The following SGCZ variants were observed in gnomAD, a reference collection of about 807,000 sequenced individuals.
The protein encoded by SGCZ is sarcoglycan zeta, also known as zeta-sarcoglycan.
In SGCZ, 40 loss-of-function variants were observed where a neutral mutation model predicts 41.3. That is an observed-to-expected ratio of 0.97 (90% CI 0.75 to 1.26). The LOEUF is 1.26. Among genes scored for constraint, SGCZ ranks in the 50% most tolerant of loss-of-function variants. The pLI, the probability that SGCZ is intolerant of heterozygous loss-of-function variation, is 0.00. For missense variants in SGCZ, 552 were observed against 369.8 expected (o/e 1.49, Z -4.04); for synonymous variants, 206 against 137.5 (o/e 1.50, Z -3.49).
intron 2 of SGCZ, among the ~76,000 whole-genome samples, chr8:14,472,594 T>C (rs1049593686): frequency 1.3e-5 from 2 of 152,092 alleles, no homozygotes; most frequent in Non-Finnish European, 2.9e-5. Context: ...TCAATATTGA[T>C]GTTTAAGCGT....
chr8:14,903,335 A>G (rs1293023704), intron 1 of SGCZ, among the ~76,000 whole-genome samples: 4 of 152,138 alleles, frequency 2.6e-5, no homozygotes, highest in Non-Finnish European at 4.4e-5. Flanking sequence ...AAATTTTATG[A>G]TCCTCACCAC....
chr8:15,170,144 A>C (rs112507183), intron 1 of SGCZ, among the ~76,000 whole-genome samples: 1 of 152,190 alleles, frequency 6.6e-6, no homozygotes, highest in Non-Finnish European at 1.5e-5. Flanking sequence ...TTCCATGTGC[A>C]GACTGAAGTT....
intron 2 of SGCZ, among the ~76,000 whole-genome samples, chr8:14,501,272 C>T (rs1290676160): frequency 4.0e-5 from 6 of 151,810 alleles, no homozygotes; most frequent in Non-Finnish European, 7.4e-5. Context: ...GAATAATCAA[C>T]GGTAATCATC....
At chr8:14,301,873 A>AT (rs1255849943) in intron 3 of SGCZ, among the ~76,000 whole-genome samples, 2 of 152,154 alleles carry the variant, frequency 1.3e-5, no homozygotes, top group Non-Finnish European at 2.9e-5. Flanking sequence ...AACTCAAAGC[A>AT]CCAAAAAAGT....
intron 1 of SGCZ, among the ~76,000 whole-genome samples, chr8:14,653,579 T>G (rs1364742687): frequency 6.6e-6 from 1 of 152,126 alleles, no homozygotes; most frequent in East Asian, 1.9e-4. Context: ...TCAACCAATG[T>G]TTACCTTTCT....
At chr8:15,046,292 T>C (rs183279533) in intron 1 of SGCZ, among the ~76,000 whole-genome samples, 299 of 152,196 alleles carry the variant, frequency 2.0e-3, no homozygotes, top group African/African-American at 7.1e-3. Context: ...GAGTTATTAG[T>C]AAAACAAATA....
intron 1 of SGCZ, among the ~76,000 whole-genome samples, chr8:14,592,409 A>G (rs1048192985): frequency 1.3e-5 from 2 of 152,136 alleles, no homozygotes; most frequent in African/African-American, 4.8e-5. Context: ...GCTTTAAAGT[A>G]TACATGCTAT....
At chr8:14,499,226 G>A (rs1005234394) in intron 2 of SGCZ, among the ~76,000 whole-genome samples, 11 of 151,716 alleles carry the variant, frequency 7.3e-5, no homozygotes, top group African/African-American at 2.7e-4. Flanking sequence ...CTTTATATAT[G>A]CAAGTTCTAC....
chr8:15,183,360 C>A (rs890981378), intron 1 of SGCZ, among the ~76,000 whole-genome samples: 2 of 152,272 alleles, frequency 1.3e-5, no homozygotes, highest in South Asian at 2.1e-4. Context: ...TATTGTAATA[C>A]TTCATTTTGA....
chr8:14,360,311 T>C (rs1803462331), intron 2 of SGCZ, among the ~76,000 whole-genome samples: 1 of 151,942 alleles, frequency 6.6e-6, no homozygotes, highest in Admixed American at 6.6e-5. Flanking sequence ...TGGAAACCAA[T>C]TCAGTTTCCA....
chr8:14,690,907 T>A (rs1450065080), intron 1 of SGCZ, among the ~76,000 whole-genome samples: 1 of 152,174 alleles, frequency 6.6e-6, no homozygotes, highest in Non-Finnish European at 1.5e-5. Flanking sequence ...AAATATAAAG[T>A]CATGTATGTG....
chr8:14,969,790 G>A (rs887966823), intron 1 of SGCZ, among the ~76,000 whole-genome samples: 1 of 151,916 alleles, frequency 6.6e-6, no homozygotes, highest in Non-Finnish European at 1.5e-5. Flanking sequence ...TTCACCTGTT[G>A]ATGGACATAA....
intron 1 of SGCZ, among the ~76,000 whole-genome samples, chr8:14,927,855 T>G (rs1799805161): frequency 6.6e-6 from 1 of 152,136 alleles, no homozygotes; most frequent in Non-Finnish European, 1.5e-5. Flanking sequence ...GTACCAAGAT[T>G]TCCCTACCCA....
intron 1 of SGCZ, among the ~76,000 whole-genome samples, chr8:14,867,767 G>A (rs1803987889): frequency 6.6e-6 from 1 of 152,054 alleles, no homozygotes; most frequent in African/African-American, 2.4e-5. Context: ...CTCTTGGAGG[G>A]TGGAGAGTGG....
chr8:14,401,475 C>T (rs750865333), intron 2 of SGCZ, among the ~76,000 whole-genome samples: 5 of 129,574 alleles, frequency 3.9e-5, no homozygotes, highest in African/African-American at 1.5e-4. Flanking sequence ...GTGTGATGTT[C>T]CCCTTCCTGT....
At chr8:15,034,506 A>C (rs563533749) in intron 1 of SGCZ, among the ~76,000 whole-genome samples, 21 of 152,302 alleles carry the variant, frequency 1.4e-4, no homozygotes, top group African/African-American at 4.3e-4. Context: ...TAGGAGTTTA[A>C]GGAGAAGAGA....
chr8:14,329,870 T>A (rs1252834610), intron 2 of SGCZ, among the ~76,000 whole-genome samples: 3 of 151,362 alleles, frequency 2.0e-5, no homozygotes, highest in Non-Finnish European at 4.4e-5. Context: ...TTTTTTTTCA[T>A]CATCACTCAA....
At chr8:15,071,239 G>C (rs931892546) in intron 1 of SGCZ, among the ~76,000 whole-genome samples, 3 of 152,176 alleles carry the variant, frequency 2.0e-5, no homozygotes, top group Non-Finnish European at 2.9e-5. Flanking sequence ...AATATGAAAA[G>C]AGCATATTCC....
chr8:15,107,841 C>G (rs1046645193), intron 1 of SGCZ, among the ~76,000 whole-genome samples: 1 of 152,142 alleles, frequency 6.6e-6, no homozygotes, highest in Non-Finnish European at 1.5e-5. Flanking sequence ...TGCCATAGAT[C>G]TCTTCTGAGA....
Sources: gnomAD v4.1 joint callset for allele counts (sites outside exome capture counted in the v4.1 genomes callset) on GRCh38, gnomAD v4.1.1 for gene constraint, MANE v1.5 for transcripts, NCBI Gene and HGNC (gene_info 2026-07-23, HGNC 2026-07-21) for gene names.